Variants in DNM3 observed in about 807,000 individuals in gnomAD.
The protein encoded by DNM3 is dynamin 3.
In DNM3, 47 loss-of-function variants were observed where a neutral mutation model predicts 101.6. The ratio of observed to expected loss-of-function variants is 0.46; its 90% CI spans 0.37 to 0.59. The LOEUF (loss-of-function observed/expected upper bound fraction) is 0.59. Ranked by LOEUF, DNM3 falls within the 20% of genes least tolerant of loss-of-function variation. The probability of loss-of-function intolerance (pLI) is 0.00; values close to 1 mark genes in which losing one functional copy is unlikely to be tolerated. For synonymous variants in DNM3, 385 were observed against 387.9 expected (o/e 0.99, Z 0.09); for missense variants, 849 against 1,085.7 (o/e 0.78, Z 3.06).
At chr1:171,997,565 T>A (rs1458705186) in intron 4 of DNM3, among the ~76,000 whole-genome samples, 1 of 152,174 alleles carries the variant, frequency 6.6e-6, no homozygotes, top group Non-Finnish European at 1.5e-5. Flanking sequence ...ATTTATTTAT[T>A]GGCACCCCAG....
At chr1:172,338,863 A>G (rs937200480) in intron 17 of DNM3, 18 of 467,058 alleles carry the variant, frequency 3.9e-5, no homozygotes, top group South Asian at 1.1e-4. Flanking sequence ...CCAGAATGAA[A>G]GTGCATCTGA....
rs553513244 is a variant in DNM3, at chr1:172,228,267, G to A, written c.1660-25306G>A. On this transcript the variant is annotated intron_variant, in intron 14 of 20. Coordinates refer to ENST00000627582, the MANE Select transcript of DNM3 (RefSeq NM_015569.5). ...TCTATTTTGTACTCTGGGGCTTTGA[G>A]ATTTGACCTATCTAAAATTTCTATT... 2.4e-4 allele frequency among the ~76,000 whole-genome samples: 37 copies of A among 151,814 alleles called. 1 individual carries two copies. In the South Asian group the frequency reaches 7.5e-3, roughly 31 times the overall value.
chr1:171,995,297 G>A (rs1350139475), intron 4 of DNM3, among the ~76,000 whole-genome samples: 1 of 151,922 alleles, frequency 6.6e-6, no homozygotes, highest in South Asian at 2.1e-4. Context: ...TGGAGACAGG[G>A]TTTCACCATG....
intron 16 of DNM3, chr1:172,310,922 C>T (rs559098022): frequency 2.0e-4 from 30 of 152,304 alleles, no homozygotes; most frequent in African/African-American, 7.0e-4. Context: ...TGAGTTCAAG[C>T]AGGGCTGTTG....
chr1:172,379,231 T>C (rs1241267915), intron 18 of DNM3, 49 bp downstream of exon 18: 1 of 1,445,634 alleles, frequency 6.9e-7, no homozygotes, highest in Non-Finnish European at 9.4e-7. Flanking sequence ...CATCCGAGTG[T>C]GGAAGTTGCA....
chr1:172,260,391 A>T (rs1225749898), intron 15 of DNM3, among the ~76,000 whole-genome samples: 1 of 152,046 alleles, frequency 6.6e-6, no homozygotes, highest in Non-Finnish European at 1.5e-5. Flanking sequence ...TTTTTAACCT[A>T]TTATTTTATT....
chr1:172,190,387 C>G (rs1440170682), intron 14 of DNM3, among the ~76,000 whole-genome samples: 2 of 152,094 alleles, frequency 1.3e-5, no homozygotes, highest in African/African-American at 4.8e-5. Context: ...GTATATGTGA[C>G]ACATTTTCTT....
At chr1:171,932,415 T>C (rs758508343) in intron 2 of DNM3, among the ~76,000 whole-genome samples, 2 of 151,950 alleles carry the variant, frequency 1.3e-5, no homozygotes, top group Non-Finnish European at 2.9e-5. Context: ...TGCCTTGGCT[T>C]CTCAAAGTGC....
intron 4 of DNM3, among the ~76,000 whole-genome samples, chr1:172,019,490 C>T (rs12069282): frequency 0.017 from 2,519 of 151,220 alleles, 82 homozygotes; most frequent in African/African-American, 0.058. Flanking sequence ...CACTTGCTGT[C>T]GGAGCTTCCT....
chr1:172,404,365 A>G (rs991229506), intron 20 of DNM3, among the ~76,000 whole-genome samples: 2 of 152,082 alleles, frequency 1.3e-5, no homozygotes, highest in African/African-American at 4.8e-5. Context: ...AAAATACAAT[A>G]CTATGAACCA....
At chr1:172,219,875 G>A (rs1422481770) in intron 14 of DNM3, among the ~76,000 whole-genome samples, 1 of 152,058 alleles carries the variant, frequency 6.6e-6, no homozygotes, top group Non-Finnish European at 1.5e-5. Flanking sequence ...ATTTTACATA[G>A]GAGATTTATA....
At chr1:172,274,592 A>G (rs1275808317) in intron 15 of DNM3, among the ~76,000 whole-genome samples, 1 of 151,558 alleles carries the variant, frequency 6.6e-6, no homozygotes, top group Non-Finnish European at 1.5e-5. Flanking sequence ...GAGCTGTTGG[A>G]TTTTTTTTAC....
chr1:172,188,663 C>T (rs2148425403), intron 14 of DNM3, among the ~76,000 whole-genome samples: 1 of 152,080 alleles, frequency 6.6e-6, no homozygotes, highest in Middle Eastern at 3.4e-3. Flanking sequence ...TTTGTGTGAA[C>T]ATGTTTTAAA....
chr1:172,352,826 T>A (rs2067258181), intron 17 of DNM3, among the ~76,000 whole-genome samples: 1 of 152,174 alleles, frequency 6.6e-6, no homozygotes, highest in South Asian at 2.1e-4. Context: ...CCACCTGCCC[T>A]CTGAATCCTG....
chr1:171,974,407 A>G (rs2044230538), intron 2 of DNM3, among the ~76,000 whole-genome samples: 4 of 152,186 alleles, frequency 2.6e-5, no homozygotes, highest in Admixed American at 2.6e-4. Context: ...TGCAAAAGAA[A>G]TTGATTACTT....
intron 14 of DNM3, among the ~76,000 whole-genome samples, chr1:172,135,529 T>G (rs994639773): frequency 1.3e-5 from 2 of 152,160 alleles, no homozygotes; most frequent in African/African-American, 4.8e-5. Flanking sequence ...TTGTTTGTTT[T>G]TTATCCTCTG....
intron 12 of DNM3, among the ~76,000 whole-genome samples, chr1:172,087,202 A>G (rs936026494): frequency 6.6e-6 from 1 of 150,758 alleles, no homozygotes; most frequent in Admixed American, 6.6e-5. Context: ...ATAACCTTCC[A>G]CTCTCTCCTG....
At chr1:172,185,775 A>G (rs978802450) in intron 14 of DNM3, among the ~76,000 whole-genome samples, 5 of 152,144 alleles carry the variant, frequency 3.3e-5, no homozygotes, top group African/African-American at 1.2e-4. Flanking sequence ...AGTTTATTTC[A>G]TAGCTGGTTT....
intron 14 of DNM3, among the ~76,000 whole-genome samples, chr1:172,246,828 C>T (rs1321547585): frequency 2.0e-5 from 3 of 152,130 alleles, no homozygotes; most frequent in Non-Finnish European, 4.4e-5. Context: ...GGAGCCATCA[C>T]ATTTTTCTTG....
Sources: gnomAD v4.1 joint callset for allele counts (sites outside exome capture counted in the v4.1 genomes callset) on GRCh38, gnomAD v4.1.1 for gene constraint, MANE v1.5 for transcripts, NCBI Gene and HGNC (gene_info 2026-07-23, HGNC 2026-07-21) for gene names.